Variants in LMO7 observed in about 807,000 individuals in gnomAD.
The protein encoded by LMO7 is LIM domain 7.
In LMO7, 120 loss-of-function variants were observed where a neutral mutation model predicts 206.5. The observed-to-expected ratio is 0.58, with a 90% confidence interval of 0.50 to 0.68. LMO7 has a LOEUF of 0.68. Ranked by LOEUF, LMO7 falls within the 30% of genes least tolerant of loss-of-function variation. The pLI is 0.00. For synonymous variants in LMO7, 706 were observed against 681.5 expected, an observed-to-expected ratio of 1.04 and a Z score of -0.56; for missense variants, 1,959 against 1,957.9, an observed-to-expected ratio of 1.00 and a Z score of -0.01.
chr13:75,828,142 G>A (rs892190091), intron 15 of LMO7, among the ~76,000 whole-genome samples: 10 of 152,162 alleles, frequency 6.6e-5, no homozygotes, highest in African/African-American at 1.9e-4. Context: ...CTGCTTAGCC[G>A]GCACTTGTAT....
chr13:75,828,082 G>T (rs80059258), intron 15 of LMO7, among the ~76,000 whole-genome samples: 2,166 of 152,272 alleles, frequency 0.014, 48 homozygotes, highest in East Asian at 0.11. Context: ...CTTGACTTTA[G>T]AGCTAAGTAT....
At chr13:75,754,360 C>T (rs898503173) in intron 3 of LMO7, among the ~76,000 whole-genome samples, 1 of 152,144 alleles carries the variant, frequency 6.6e-6, no homozygotes, top group African/African-American at 2.4e-5. Flanking sequence ...TGGCTGAGTG[C>T]TATTCCATTG....
At chr13:75,846,681 TTGTATATA>T (rs2060019146) in intron 26 of LMO7, among the ~76,000 whole-genome samples, 1 of 152,222 alleles carries the variant, frequency 6.6e-6, no homozygotes, top group African/African-American at 2.4e-5. Context: ...TCGGATTATT[TTGTATATA>T]TGTTTTCCCC....
At chr13:75,851,328 C>CA (rs2060492060) in intron 27 of LMO7, among the ~76,000 whole-genome samples, 2 of 152,314 alleles carry the variant, frequency 1.3e-5, no homozygotes, top group Non-Finnish European at 2.9e-5. Flanking sequence ...AACACAAGCA[C>CA]ATTGCATATG....
At chr13:75,751,353 G>A (rs1375158652) in intron 3 of LMO7, among the ~76,000 whole-genome samples, 3 of 151,680 alleles carry the variant, frequency 2.0e-5, no homozygotes, top group African/African-American at 7.3e-5. Flanking sequence ...GTAGAGACAG[G>A]GTTTCACCAT....
chr13:75,734,996 G>A (rs993475528), intron 3 of LMO7, among the ~76,000 whole-genome samples: 1 of 152,052 alleles, frequency 6.6e-6, no homozygotes, highest in African/African-American at 2.4e-5. Flanking sequence ...TGCTGGGGAG[G>A]CTGAGGCAGG....
At chr13:75,705,501 C>A (rs768597114) in intron 1 of LMO7, among the ~76,000 whole-genome samples, 14 of 152,122 alleles carry the variant, frequency 9.2e-5, no homozygotes, top group Non-Finnish European at 4.4e-5. Context: ...GTATACAAGG[C>A]AGGGTGTGGC....
At chr13:75,848,431 T>TCTATCTATC (rs1555348051) in intron 26 of LMO7, among the ~76,000 whole-genome samples, 2 of 150,520 alleles carry the variant, frequency 1.3e-5, no homozygotes, top group Non-Finnish European at 1.5e-5. Context: ...TTCCATGCGA[T>TCTATCTATC]TATCTATCTA....
chr13:75,781,117 T>TTTTG (rs2051321418), intron 4 of LMO7, among the ~76,000 whole-genome samples: 1 of 136,656 alleles, frequency 7.3e-6, no homozygotes, highest in East Asian at 2.0e-4. Context: ...TTTTTTTTTT[T>TTTTG]TTGCTTTTTT....
chr13:75,728,838 A>G (rs1416695024), intron 3 of LMO7, among the ~76,000 whole-genome samples: 1 of 139,652 alleles, frequency 7.2e-6, no homozygotes, highest in Non-Finnish European at 1.5e-5. Flanking sequence ...TCAGCTTTCT[A>G]CATATGGCTA....
Position 75,727,065 on chromosome 13 carries a change from G to A in LMO7, c.177G>A (p.Lys59=), listed in dbSNP as rs777562843. The change falls in exon 3 of 31, where the codon AAG becomes AAA. Residue 59 remains lysine, a synonymous_variant. Transcript: ENST00000377534. Reference sequence around the variant, plus strand: ...AGCTTAAACCTGGCGTCATTAAGAAGATCAATAGACTGTCTACACCAATAG... The same window carrying A: ...AGCTTAAACCTGGCGTCATTAAGAAAATCAATAGACTGTCTACACCAATAG... ...INKLKPGVIK[K]INRLSTPIAG... is the part of the protein sequence containing the mutation. 1.3e-6 allele frequency: 2 copies of A among 1,589,834 alleles called. No homozygotes were observed. The highest frequency in any genetic ancestry group is 3.3e-5 in the Admixed American group (2 of 59,766).
chr13:75,665,622 G>A (rs770884363), intron 1 of LMO7, among the ~76,000 whole-genome samples: 40 of 152,066 alleles, frequency 2.6e-4, no homozygotes, highest in Non-Finnish European at 4.9e-4. Flanking sequence ...CGCCTCCTGG[G>A]TTCAAGCGAC....
chr13:75,773,359 G>C (rs1039833501), intron 4 of LMO7, among the ~76,000 whole-genome samples: 1 of 152,108 alleles, frequency 6.6e-6, no homozygotes, highest in Non-Finnish European at 1.5e-5. Flanking sequence ...CAGGTAATGG[G>C]ATTATCACCA....
intron 3 of LMO7, among the ~76,000 whole-genome samples, chr13:75,731,749 A>G (rs1424354491): frequency 1.3e-5 from 2 of 151,800 alleles, no homozygotes; most frequent in Admixed American, 1.3e-4. Flanking sequence ...TTTTGGCATG[A>G]TTTTGTGGCG....
At chr13:75,662,179 A>G (rs1594126738) in intron 1 of LMO7, among the ~76,000 whole-genome samples, 1 of 152,344 alleles carries the variant, frequency 6.6e-6, no homozygotes, top group Non-Finnish European at 1.5e-5. Context: ...AATGAAAGCT[A>G]TGGATTCTTT....
At chr13:75,665,629 C>T (rs902634388) in intron 1 of LMO7, among the ~76,000 whole-genome samples, 9 of 151,940 alleles carry the variant, frequency 5.9e-5, no homozygotes, top group Admixed American at 3.9e-4. Flanking sequence ...TGGGTTCAAG[C>T]GACTCTCCTG....
chr13:75,839,479 A>G (rs1355812009), intron 20 of LMO7, among the ~76,000 whole-genome samples: 1 of 152,242 alleles, frequency 6.6e-6, no homozygotes, highest in Non-Finnish European at 1.5e-5. Context: ...GTATACTTAC[A>G]TAGGTCCCCT....
In LMO7 at chr13:75,842,056, C is replaced by T. The variant is rs897770792; in HGVS notation, c.4031+73C>T. 1.6e-5 allele frequency: 18 copies of T among 1,123,242 alleles called. No individual in the cohort carries two copies. In the Admixed American group the frequency reaches 2.4e-4, roughly 15 times the overall value. 69.6% of individuals were successfully genotyped at this position (1,123,242 alleles called of 1,614,324 possible). ...CCCACTTCAAAGGCACCCGCTTGCTCTTCCTGTTTCCTACCACCCATTCTC... is the reference window on the plus strand; with the variant it reads ...CCCACTTCAAAGGCACCCGCTTGCTTTTCCTGTTTCCTACCACCCATTCTC... On this transcript the variant is annotated intron_variant, in intron 24 of 30. Transcript: ENST00000377534.
chr13:75,791,293 C>A (rs951093571), intron 4 of LMO7, among the ~76,000 whole-genome samples: 2 of 151,948 alleles, frequency 1.3e-5, no homozygotes, highest in Admixed American at 6.6e-5. Flanking sequence ...TATTTTATTG[C>A]AATTTAAAGA....
Sources: gnomAD v4.1 joint callset for allele counts (sites outside exome capture counted in the v4.1 genomes callset) on GRCh38, gnomAD v4.1.1 for gene constraint, MANE v1.5 for transcripts, NCBI Gene and HGNC (gene_info 2026-07-23, HGNC 2026-07-21) for gene names.